Variants in ZNF846 observed in about 807,000 individuals in gnomAD.
ZNF846 encodes zinc finger protein 846.
Under a neutral mutation model 16.0 loss-of-function variants are expected in ZNF846, and 15 were observed. The observed-to-expected ratio is 0.94, with a 90% CI of 0.63 to 1.45. The LOEUF is 1.45. Among genes scored for constraint, ZNF846 ranks in the 40% most tolerant of loss-of-function variants. ZNF846 has a pLI of 0.00. For synonymous variants in ZNF846, 229 were observed against 212.0 expected (o/e 1.08, Z -0.70); for missense variants, 714 against 622.3 (o/e 1.15, Z -1.57).
Position 9,765,145 on chromosome 19 carries a change from G to A in ZNF846, c.-85-110C>T, listed in dbSNP as rs553905108. On this transcript the variant is annotated intron_variant, in intron 1 of 5. Coordinates refer to ENST00000397902, the Ensembl canonical transcript of ZNF846. ...CCCAGCACTTTGGGAGGCCAAGGTA[G>A]GCGAATCACTTGAGGTCAGGAGTTT... 286 of 600,494 alleles carry A rather than the reference G, an allele frequency of 4.8e-4. 6 individuals are homozygous for A. Among genetic ancestry groups the A allele is most frequent in the African/African-American group, 4.6e-3 (249 of 53,882 alleles). 37.2% of individuals were successfully genotyped at this position (600,494 alleles called of 1,614,324 possible).
intron 1 of ZNF846, among the ~76,000 whole-genome samples, chr19:9,766,906 A>G (rs2045324481): frequency 6.6e-6 from 1 of 151,954 alleles, no homozygotes; most frequent in African/African-American, 2.4e-5. Flanking sequence ...CTCAAAAAAA[A>G]AAAAAAAAAA....
At chr19:9,774,975 G>T (rs2145298571) in intron 1 of ZNF846, 1 of 1,607,536 alleles carries the variant, frequency 6.2e-7, no homozygotes, top group South Asian at 1.1e-5. Context: ...TGCCACGATT[G>T]GTTCCAGCAA....
chr19:9,776,315 T>C (rs1262472527), intron 1 of ZNF846, among the ~76,000 whole-genome samples: 1 of 151,484 alleles, frequency 6.6e-6, no homozygotes, highest in Non-Finnish European at 1.5e-5. Context: ...TGTGATGCTG[T>C]GCTTCAGTGG....
At chr19:9,779,880 CT>C (rs770205406) in intron 1 of ZNF846, among the ~76,000 whole-genome samples, 5,366 of 140,336 alleles carry the variant, frequency 0.038, 305 homozygotes, top group African/African-American at 0.12. Flanking sequence ...GCCATCACGA[CT>C]TTTTTTTTTT....
Position 9,758,062 on chromosome 19 carries a change from C to T in ZNF846, c.1015G>A (p.Glu339Lys), listed in dbSNP as rs769003950. The change falls in exon 6 of 6, where the codon GAA becomes AAA. Residue 339 changes from glutamate to lysine, a missense_variant. Physicochemically the swap from Glu to Lys is moderately conservative, Grantham distance 56. Coordinates refer to ENST00000397902, the Ensembl canonical transcript of ZNF846. ...AAAGCTTTTCCACACTCCTTACATT[C>T]ATATGGCTTTTCTCCAGTGTGAATT... is the stretch of plus-strand genomic sequence containing the variant. 9.3e-6 allele frequency: 15 copies of T among 1,613,586 alleles called. No individual in the cohort carries two copies. The highest frequency in any genetic ancestry group is 1.3e-5 in the Non-Finnish European group (15 of 1,180,024).
chr19:9,781,437 G>A (rs1022892735), intron 1 of ZNF846, among the ~76,000 whole-genome samples: 1 of 152,022 alleles, frequency 6.6e-6, no homozygotes, highest in African/African-American at 2.4e-5. Flanking sequence ...ACTGTTAGGT[G>A]CACTCTTATC....
At chr19:9,781,151 T>G (rs924748696) in intron 1 of ZNF846, among the ~76,000 whole-genome samples, 3 of 152,160 alleles carry the variant, frequency 2.0e-5, no homozygotes, top group African/African-American at 7.2e-5. Flanking sequence ...TTTGTTTGTT[T>G]GTTTTGAGAT....
At chr19:9,778,749 G>A (rs1200174677) in intron 1 of ZNF846, among the ~76,000 whole-genome samples, 2 of 147,402 alleles carry the variant, frequency 1.4e-5, no homozygotes, top group Non-Finnish European at 3.0e-5. Context: ...GTTGCAGTGA[G>A]CTGAGATCAT....
chr19:9,767,260 C>T (rs143787950), intron 1 of ZNF846, among the ~76,000 whole-genome samples: 18,368 of 151,826 alleles, frequency 0.12, 1,354 homozygotes, highest in Admixed American at 0.23. Flanking sequence ...CTCAGCCTCC[C>T]GAGTAGCTAA....
intron 1 of ZNF846, among the ~76,000 whole-genome samples, chr19:9,780,486 A>G (rs1300336199): frequency 2.6e-5 from 4 of 151,864 alleles, no homozygotes; most frequent in Admixed American, 6.6e-5. Flanking sequence ...GCCTTGCTCT[A>G]TCACCCAGGA....
At chr19:9,773,649 G>T (rs976096414) in intron 1 of ZNF846, among the ~76,000 whole-genome samples, 1 of 152,082 alleles carries the variant, frequency 6.6e-6, no homozygotes, top group Non-Finnish European at 1.5e-5. Context: ...AGACATGGTG[G>T]CATGCTCCTG....
At chr19:9,777,771 T>C (rs1253156306) in intron 1 of ZNF846, among the ~76,000 whole-genome samples, 1 of 151,846 alleles carries the variant, frequency 6.6e-6, no homozygotes, top group East Asian at 1.9e-4. Context: ...CCAAGGTGGG[T>C]GGATCACCTG....
intron 1 of ZNF846, among the ~76,000 whole-genome samples, chr19:9,784,126 G>A (rs1455777855): frequency 6.8e-6 from 1 of 147,994 alleles, no homozygotes; most frequent in African/African-American, 2.7e-5. Flanking sequence ...ACAAGAGACT[G>A]AGAAAAGGAA....
At chr19:9,774,745 G>A in intron 1 of ZNF846, 2 of 1,559,710 alleles carry the variant, frequency 1.3e-6, no homozygotes, top group South Asian at 1.1e-5. Flanking sequence ...ACGAAAAGGG[G>A]CAGGTCTGTC....
intron 1 of ZNF846, among the ~76,000 whole-genome samples, chr19:9,777,149 G>GCACACA (rs113160573): frequency 7.2e-4 from 95 of 131,744 alleles, no homozygotes; most frequent in African/African-American, 2.4e-3. Context: ...ACACACACAC[G>GCACACA]CACACACACA....
chr19:9,771,644 T>C (rs1178364752), upstream of ZNF846, among the ~76,000 whole-genome samples: 1 of 152,218 alleles, frequency 6.6e-6, no homozygotes, highest in East Asian at 1.9e-4. Flanking sequence ...TATAGCTGAG[T>C]GGTATTCTGT....
chr19:9,777,544 G>A (rs891478097), intron 1 of ZNF846, among the ~76,000 whole-genome samples: 1 of 151,198 alleles, frequency 6.6e-6, no homozygotes, highest in Non-Finnish European at 1.5e-5. Flanking sequence ...GGTGGCATGT[G>A]CCTGTAATCC....
At chr19:9,772,763 G>A (rs1239696195), upstream of ZNF846, among the ~76,000 whole-genome samples, 1 of 152,108 alleles carries the variant, frequency 6.6e-6, no homozygotes, top group Non-Finnish European at 1.5e-5. Context: ...AGCAGTATTA[G>A]TGCAGTTATT....
chr19:9,757,422 A>G (rs975116916), downstream of ZNF846: 3 of 1,423,980 alleles, frequency 2.1e-6, no homozygotes, highest in Non-Finnish European at 1.9e-6. Context: ...TTACCTTCCT[A>G]TGATTTTTTT....
Sources: gnomAD v4.1 joint callset for allele counts (sites outside exome capture counted in the v4.1 genomes callset) on GRCh38, gnomAD v4.1.1 for gene constraint, MANE v1.5 for transcripts, NCBI Gene and HGNC (gene_info 2026-07-23, HGNC 2026-07-21) for gene names.